The following MDGA2 variants were observed in gnomAD, a reference collection of about 807,000 sequenced individuals.
MDGA2 encodes MAM domain-containing glycosylphosphatidylinositol anchor protein 2.
Under a neutral mutation model 117.8 loss-of-function variants are expected in MDGA2, and 40 were observed. The ratio of observed to expected loss-of-function variants is 0.34; its 90% confidence interval spans 0.26 to 0.44. The LOEUF (loss-of-function observed/expected upper bound fraction) is 0.44. Ranked by LOEUF, MDGA2 falls within the 20% of genes least tolerant of loss-of-function variation. The pLI, the probability that MDGA2 is intolerant of heterozygous loss-of-function variation, is 1.00. For missense variants in MDGA2, 1,123 were observed against 1,250.6 expected (o/e 0.90, Z 1.54); for synonymous variants, 452 against 439.0 (o/e 1.03, Z -0.37).
chr14:47,622,728 G>T (rs529116845), intron 1 of MDGA2, among the ~76,000 whole-genome samples: 1 of 152,328 alleles, frequency 6.6e-6, no homozygotes, highest in African/African-American at 2.4e-5. Context: ...TTGCTAGCCT[G>T]TTGTAAAATG....
At position 47,395,954 on chromosome 14, in the gene MDGA2, A is replaced by G. The variant is rs146044610; in HGVS notation, c.281-94404T>C. 4.1e-3 allele frequency among the ~76,000 whole-genome samples: 630 copies of G among 152,294 alleles called. 3 individuals are homozygous for G. The highest frequency in any genetic ancestry group is 0.015 in the African/African-American group (614 of 41,566). ...CTCATATTTACTTTCGTGTGTAGCA[A>G]GCATGAAAAACAAAAAGTAAACCCA... is the stretch of plus-strand genomic sequence containing the variant. On this transcript the variant is annotated intron_variant, in intron 1 of 16. Transcript: ENST00000399232.
intron 2 of MDGA2, among the ~76,000 whole-genome samples, chr14:47,253,949 T>G (rs2139649928): frequency 6.6e-6 from 1 of 152,366 alleles, no homozygotes; most frequent in East Asian, 1.9e-4. Context: ...ACATGTAAGC[T>G]GCCAAGGCTT....
intron 2 of MDGA2, among the ~76,000 whole-genome samples, chr14:47,241,992 A>G (rs1887057534): frequency 1.3e-5 from 2 of 151,872 alleles, no homozygotes. Context: ...TGAAGAAAAA[A>G]TGAGATGGTG....
rs1566504353 is a variant in MDGA2 at position 47,537,573 on chromosome 14, T to TAAAAAAAAAAAAAAAAAAAAAAAAAAAAA, written c.280+136943_280+136944insTTTTTTTTTTTTTTTTTTTTTTTTTTTTT. ...ATTATCCACTGTTACCTTCTCTCTGTTAAAAAAAAAAAAAAAAAAAAAAAA... is the reference window on the plus strand; with the variant it reads ...ATTATCCACTGTTACCTTCTCTCTGTAAAAAAAAAAAAAAAAAAAAAAAAAAAAATAAAAAAAAAAAAAAAAAAAAAAAA... On this transcript the variant is annotated intron_variant, in intron 1 of 16. Transcript: ENST00000399232. Among the ~76,000 whole-genome samples, 3 of 57,110 alleles carry TAAAAAAAAAAAAAAAAAAAAAAAAAAAAA rather than the reference T, an allele frequency of 5.3e-5. 1 individual carries two copies. The highest frequency in any genetic ancestry group is 1.0e-4 in the Non-Finnish European group (3 of 29,090). The allele number at this position is 57,110 out of a possible 152,430, so 37.5% of individuals were successfully genotyped here.
At chr14:47,059,891 G>A (rs915347872) in intron 7 of MDGA2, among the ~76,000 whole-genome samples, 1 of 151,986 alleles carries the variant, frequency 6.6e-6, no homozygotes, top group Non-Finnish European at 1.5e-5. Flanking sequence ...TCTCTTACAG[G>A]AAATATTATA....
At chr14:46,877,556 C>T in intron 11 of MDGA2, 47 bp from the exon 12 acceptor site, 2 of 1,380,820 alleles carry the variant, frequency 1.4e-6, no homozygotes, top group Admixed American at 2.0e-5. Context: ...ACAATGTTAG[C>T]ATGGCTTGAA....
chr14:47,170,586 G>A (rs1229247896), intron 3 of MDGA2, among the ~76,000 whole-genome samples: 2 of 152,060 alleles, frequency 1.3e-5, no homozygotes, highest in East Asian at 3.8e-4. Flanking sequence ...CTTTCTGCAA[G>A]AATTAAAAAG....
At chr14:47,091,648 T>C (rs1316705560) in intron 6 of MDGA2, among the ~76,000 whole-genome samples, 3 of 152,106 alleles carry the variant, frequency 2.0e-5, no homozygotes, top group Non-Finnish European at 2.9e-5. Flanking sequence ...ATCAGGATAA[T>C]GAGATTTTTT....
At chr14:47,296,934 A>G (rs539831022) in intron 2 of MDGA2, among the ~76,000 whole-genome samples, 37 of 152,330 alleles carry the variant, frequency 2.4e-4, no homozygotes, top group African/African-American at 8.4e-4. Flanking sequence ...GATCCAGGCC[A>G]CTGGTTCAAA....
intron 8 of MDGA2, among the ~76,000 whole-genome samples, chr14:46,959,058 C>T (rs1397871029): frequency 6.6e-6 from 1 of 151,982 alleles, no homozygotes; most frequent in African/African-American, 2.4e-5. Context: ...ATGTTAAACT[C>T]CTCTAAAAAA....
chr14:46,898,088 T>A (rs918262140), intron 10 of MDGA2, among the ~76,000 whole-genome samples: 1 of 151,704 alleles, frequency 6.6e-6, no homozygotes, highest in East Asian at 1.9e-4. Context: ...AAATAACAAA[T>A]AAATGAAAAG....
chr14:47,600,070 C>T (rs751151278), intron 1 of MDGA2, among the ~76,000 whole-genome samples: 49 of 151,904 alleles, frequency 3.2e-4, no homozygotes, highest in East Asian at 5.8e-4. Context: ...GCCATATAGA[C>T]GACATGGCTA....
At chr14:47,173,318 A>C (rs866658345) in intron 3 of MDGA2, among the ~76,000 whole-genome samples, 11 of 152,192 alleles carry the variant, frequency 7.2e-5, no homozygotes, top group South Asian at 2.1e-4. Context: ...GATACTCCTC[A>C]AGAAGAGCAA....
chr14:47,027,359 C>T (rs1198275225), intron 8 of MDGA2, among the ~76,000 whole-genome samples: 1 of 151,950 alleles, frequency 6.6e-6, no homozygotes, highest in Non-Finnish European at 1.5e-5. Context: ...TGAGTCTTGC[C>T]TGGCTTAATT....
intron 3 of MDGA2, among the ~76,000 whole-genome samples, chr14:47,152,077 C>A (rs114633671): frequency 0.012 from 1,788 of 152,198 alleles, 34 homozygotes; most frequent in African/African-American, 0.041. Context: ...GTGCCAAACA[C>A]TAGTAGATTA....
intron 8 of MDGA2, among the ~76,000 whole-genome samples, chr14:47,004,806 T>C (rs1405361561): frequency 1.3e-5 from 2 of 151,728 alleles, no homozygotes; most frequent in African/African-American, 2.4e-5. Flanking sequence ...TTTTCACAGA[T>C]TTTTCCCTGA....
chr14:47,301,574 A>C, intron 1 of MDGA2, 24 bp from the exon 2 acceptor site: 1 of 1,551,280 alleles, frequency 6.4e-7, no homozygotes, highest in Non-Finnish European at 8.7e-7. Context: ...AAGAAGAGAG[A>C]CAAGATACAT....
chr14:47,263,623 T>C (rs1446707248), intron 2 of MDGA2, among the ~76,000 whole-genome samples: 1 of 152,116 alleles, frequency 6.6e-6, no homozygotes, highest in African/African-American at 2.4e-5. Context: ...TTCCAATAGA[T>C]TAATCTGCAT....
At chr14:46,905,521 T>C (rs986583593) in intron 10 of MDGA2, among the ~76,000 whole-genome samples, 1 of 152,176 alleles carries the variant, frequency 6.6e-6, no homozygotes, top group Non-Finnish European at 1.5e-5. Flanking sequence ...ACAATGCACA[T>C]ATTGAAATGC....
Sources: allele counts gnomAD v4.1 joint callset (sites outside exome capture counted in the v4.1 genomes callset), GRCh38; gene constraint gnomAD v4.1.1; transcripts MANE v1.5; gene names NCBI Gene and HGNC (gene_info 2026-07-23, HGNC 2026-07-21).